The following UTRN variants were observed in gnomAD, a reference collection of about 807,000 sequenced individuals.
UTRN encodes the protein utrophin.
A neutral mutation model predicts 463.9 loss-of-function variants in UTRN; 283 were observed. The ratio of observed to expected loss-of-function variants is 0.61; its 90% CI spans 0.55 to 0.67. The LOEUF (loss-of-function observed/expected upper bound fraction) is 0.67, where lower values mean the gene tolerates loss of function less well. UTRN is among the 30% of genes least tolerant of loss of function. The pLI is 0.00. For synonymous variants in UTRN, 1,442 were observed against 1,431.5 expected (o/e 1.01, Z -0.17); for missense variants, 3,922 against 4,084.3 (o/e 0.96, Z 1.08).
intron 61 of UTRN, among the ~76,000 whole-genome samples, chr6:144,787,796 T>C (rs1164554753): frequency 6.6e-6 from 1 of 152,178 alleles, no homozygotes; most frequent in Non-Finnish European, 1.5e-5. Flanking sequence ...CATATATTTA[T>C]GTAAACTTTT....
chr6:144,419,513 TAGAG>T (rs1482130357), intron 3 of UTRN, among the ~76,000 whole-genome samples: 1 of 152,118 alleles, frequency 6.6e-6, no homozygotes, highest in African/African-American at 2.4e-5. Flanking sequence ...TAAAAACAGA[TAGAG>T]GGAGGGGAAC....
At chr6:144,584,452 A>G (rs1328742523) in intron 51 of UTRN, among the ~76,000 whole-genome samples, 2 of 152,254 alleles carry the variant, frequency 1.3e-5, no homozygotes, top group East Asian at 3.9e-4. Flanking sequence ...GTTCTCAAGA[A>G]TGTATCTTGT....
intron 41 of UTRN, among the ~76,000 whole-genome samples, chr6:144,526,160 G>C (rs911201088): frequency 2.6e-5 from 4 of 152,206 alleles, no homozygotes; most frequent in Admixed American, 1.3e-4. Context: ...ATATTCTGCA[G>C]TTGTTGCATA....
chr6:144,579,394 T>C (rs1204716761), intron 51 of UTRN, among the ~76,000 whole-genome samples: 1 of 151,704 alleles, frequency 6.6e-6, no homozygotes, highest in Non-Finnish European at 1.5e-5. Flanking sequence ...AATGGTTTAA[T>C]TTCAGTAGCT....
At chr6:144,709,210 GAA>G (rs761499381) in intron 53 of UTRN, among the ~76,000 whole-genome samples, 2 of 152,036 alleles carry the variant, frequency 1.3e-5, no homozygotes, top group Non-Finnish European at 2.9e-5. Context: ...TTCTTTAAGG[GAA>G]TACAGAACTC....
At position 144,516,808 on chromosome 6, in the gene UTRN, T is replaced by G; in HGVS notation, c.5404-3T>G. On this transcript the variant is annotated splice_polypyrimidine_tract_variant and splice_region_variant and intron_variant, in intron 38 of 74. Coordinates refer to ENST00000367545, the MANE Select transcript of UTRN (RefSeq NM_007124.3). ...CATTTTTTTTTTCCTTTTAAAAATT[T>G]AGATGGATGAGGAGAGTGCCCAGAT... 1 of 1,450,690 alleles carries G rather than the reference T, an allele frequency of 6.9e-7. No individual in the cohort carries two copies. Among genetic ancestry groups the G allele is most frequent in the South Asian group, 1.6e-5 (1 of 60,948 alleles). 89.9% of individuals were successfully genotyped at this position (1,450,690 alleles called of 1,614,324 possible). A position where few individuals can be genotyped will look rare whatever the true frequency, so the allele number is the denominator to read the frequency against.
chr6:144,578,250 T>G (rs1585367305), intron 51 of UTRN, among the ~76,000 whole-genome samples: 1 of 152,186 alleles, frequency 6.6e-6, no homozygotes, highest in East Asian at 1.9e-4. Context: ...GAAGTCTCCT[T>G]GTCAACCATA....
At chr6:144,511,957 G>A (rs563448033) in intron 35 of UTRN, among the ~76,000 whole-genome samples, 2 of 152,020 alleles carry the variant, frequency 1.3e-5, no homozygotes, top group African/African-American at 4.8e-5. Flanking sequence ...GTAATGGATA[G>A]AGACATAAAA....
At chr6:144,491,624 T>C (rs1266682145) in intron 32 of UTRN, among the ~76,000 whole-genome samples, 1 of 152,196 alleles carries the variant, frequency 6.6e-6, no homozygotes, top group Non-Finnish European at 1.5e-5. Context: ...ATAATGTGGC[T>C]AAGGGGACAC....
At chr6:144,823,443 C>A (rs551573651) in intron 66 of UTRN, among the ~76,000 whole-genome samples, 1 of 152,184 alleles carries the variant, frequency 6.6e-6, no homozygotes, top group South Asian at 2.1e-4. Flanking sequence ...GGGAGGAGAA[C>A]ATTGGAGAAA....
intron 51 of UTRN, among the ~76,000 whole-genome samples, chr6:144,620,579 G>C (rs140322546): frequency 6.6e-6 from 1 of 152,126 alleles, no homozygotes; most frequent in Non-Finnish European, 1.5e-5. Context: ...GATAATACTG[G>C]TTTTCTTACT....
rs371533335 is a variant in UTRN, at chr6:144,447,663, A to G, written c.1784A>G (p.Gln595Arg). 18 of 1,614,072 alleles carry G rather than the reference A, an allele frequency of 1.1e-5. No homozygotes were observed. In the African/African-American group the frequency reaches 2.3e-4, roughly 20 times the overall value. Residue 595 changes from glutamine to arginine, a missense_variant, in exon 16 of 75, where the codon CAG (glutamine) becomes CGG (arginine). By Grantham distance (43) the Gln-to-Arg change is conservative. This residue lies in a region of UTRN where 2,349 missense variants were observed against 2,303.8 expected (regional missense o/e 1.02). Transcript: ENST00000367545. Reference sequence around the variant, plus strand: ...TTGGATCAGCTGAGTGAGATTGGCCAGGATGTGGGACAATTACTTGATAAT... The same window carrying G: ...TTGGATCAGCTGAGTGAGATTGGCCGGGATGTGGGACAATTACTTGATAAT... ...QTLDQLSEIG[Q>R]DVGQLLDNSK...
At chr6:144,489,169 C>T (rs1032318415) in intron 30 of UTRN, among the ~76,000 whole-genome samples, 2 of 152,114 alleles carry the variant, frequency 1.3e-5, no homozygotes, top group African/African-American at 2.4e-5. Context: ...CCTGCCTCAG[C>T]CTCCCGAATA....
chr6:144,846,727 G>T (rs374576996), intron 73 of UTRN, 78 bp from the exon 74 acceptor site: 1 of 1,588,620 alleles, frequency 6.3e-7, no homozygotes, highest in African/African-American at 1.3e-5. Context: ...TACTTTCCAC[G>T]CATTTGCATG....
At chr6:144,693,903 G>T (rs1783696410) in intron 52 of UTRN, among the ~76,000 whole-genome samples, 1 of 152,010 alleles carries the variant, frequency 6.6e-6, no homozygotes, top group African/African-American at 2.4e-5. Flanking sequence ...TTTCCTGATT[G>T]CCCTGGGCAG....
chr6:144,350,023 T>G (rs2114655104), intron 2 of UTRN, among the ~76,000 whole-genome samples: 1 of 152,316 alleles, frequency 6.6e-6, no homozygotes, highest in South Asian at 2.1e-4. Context: ...GTTCTACCAT[T>G]GTGCTAAAGT....
intron 3 of UTRN, among the ~76,000 whole-genome samples, chr6:144,420,637 G>T (rs1318488590): frequency 6.6e-6 from 1 of 152,182 alleles, no homozygotes; most frequent in East Asian, 1.9e-4. Flanking sequence ...TCTTGGACTG[G>T]TACTAGTTTT....
rs114534406 is a variant in UTRN, at chr6:144,538,726, G to A, written c.6370-568G>A. ...TGTATTCATACATGTACAAGCATAA[G>A]TGTGTGTGAAAGGTTACTTACTAAT... On this transcript the variant is annotated intron_variant, in intron 44 of 74. Transcript: ENST00000367545. 2.5e-3 allele frequency among the ~76,000 whole-genome samples: 381 copies of A among 151,734 alleles called. 2 individuals carry two copies. The highest frequency in any genetic ancestry group is 8.5e-3 in the African/African-American group (353 of 41,408).
At chr6:144,734,460 A>G (rs1789133190) in intron 54 of UTRN, among the ~76,000 whole-genome samples, 1 of 152,190 alleles carries the variant, frequency 6.6e-6, no homozygotes, top group Admixed American at 6.5e-5. Flanking sequence ...ATATCTGTCA[A>G]GAAGCCCCTG....
Sources: allele counts gnomAD v4.1 joint callset (sites outside exome capture counted in the v4.1 genomes callset), GRCh38; gene constraint gnomAD v4.1.1; regional missense constraint gnomAD v4.1.1; transcripts MANE v1.5; gene names NCBI Gene and HGNC (gene_info 2026-07-23, HGNC 2026-07-21).